RAB3C: variants seen among roughly 807,000 people sequenced by gnomAD.
The protein encoded by RAB3C is RAB3C, member RAS oncogene family.
Under a neutral mutation model 26.4 loss-of-function variants are expected in RAB3C, and 17 were observed. That is an observed-to-expected ratio of 0.64 (90% CI 0.44 to 0.97). The LOEUF (loss-of-function observed/expected upper bound fraction) is 0.97, where lower values mean the gene tolerates loss of function less well. Among genes scored for constraint, RAB3C ranks in the 50% least tolerant of loss-of-function variants. RAB3C has a pLI of 0.00. For missense variants in RAB3C, 242 were observed against 281.9 expected (o/e 0.86, Z 1.01); for synonymous variants, 91 against 95.9 (o/e 0.95, Z 0.30).
At chr5:58,594,064 G>A (rs2111663123) in intron 1 of RAB3C, among the ~76,000 whole-genome samples, 1 of 152,284 alleles carries the variant, frequency 6.6e-6, no homozygotes, top group South Asian at 2.1e-4. Context: ...AAGGTCATCA[G>A]CCTCTCATCA....
At chr5:58,813,590 A>ATT (rs11396797) in intron 3 of RAB3C, among the ~76,000 whole-genome samples, 4 of 34,282 alleles carry the variant, frequency 1.2e-4, no homozygotes, top group South Asian at 9.8e-4. Flanking sequence ...TTATATTTAT[A>ATT]TTTATATATA....
At chr5:58,693,137 A>G (rs1044279210) in intron 2 of RAB3C, among the ~76,000 whole-genome samples, 15 of 147,464 alleles carry the variant, frequency 1.0e-4, no homozygotes, top group African/African-American at 2.7e-4. Context: ...AAAAATATAT[A>G]TAAATTATAT....
intron 3 of RAB3C, among the ~76,000 whole-genome samples, chr5:58,784,377 C>T (rs575507425): frequency 3.2e-4 from 48 of 152,170 alleles, no homozygotes; most frequent in African/African-American, 8.9e-4. Context: ...CAGAACTCCC[C>T]TTTGTAAAAC....
At chr5:58,668,769 G>T in intron 2 of RAB3C, among the ~76,000 whole-genome samples, 1 of 151,910 alleles carries the variant, frequency 6.6e-6, no homozygotes, top group Non-Finnish European at 1.5e-5. Flanking sequence ...AGAGTTAGGG[G>T]CTCCTACGTC....
intron 2 of RAB3C, among the ~76,000 whole-genome samples, chr5:58,701,582 C>G (rs1294295597): frequency 6.6e-6 from 1 of 152,150 alleles, no homozygotes; most frequent in Non-Finnish European, 1.5e-5. Context: ...AATGTATTAT[C>G]TTACAGTTCT....
intron 1 of RAB3C, among the ~76,000 whole-genome samples, chr5:58,614,526 C>T (rs1341604063): frequency 1.3e-5 from 2 of 151,918 alleles, no homozygotes; most frequent in Non-Finnish European, 2.9e-5. Flanking sequence ...GAGTTAATAA[C>T]TTTTCCTAAT....
At chr5:58,613,623 G>A (rs1216011186) in intron 1 of RAB3C, among the ~76,000 whole-genome samples, 4 of 152,040 alleles carry the variant, frequency 2.6e-5, no homozygotes, top group African/African-American at 9.7e-5. Flanking sequence ...GGGAATAGAA[G>A]AAACCTATGT....
intron 1 of RAB3C, among the ~76,000 whole-genome samples, chr5:58,611,695 G>T (rs532852954): frequency 2.0e-5 from 3 of 152,098 alleles, no homozygotes; most frequent in Non-Finnish European, 2.9e-5. Context: ...TGTTCACTCT[G>T]TTGGTAGTTT....
chr5:58,775,842 G>A (rs916978708), intron 3 of RAB3C, among the ~76,000 whole-genome samples: 5 of 152,090 alleles, frequency 3.3e-5, no homozygotes, highest in Non-Finnish European at 7.4e-5. Flanking sequence ...TGTAAATGCT[G>A]TGGATATGCT....
intron 2 of RAB3C, among the ~76,000 whole-genome samples, chr5:58,668,496 C>T (rs1748045182): frequency 6.6e-6 from 1 of 152,096 alleles, no homozygotes; most frequent in Non-Finnish European, 1.5e-5. Flanking sequence ...ATTATTAAAG[C>T]CCAACCAATG....
Position 58,625,765 on chromosome 5 carries a change from G to A in RAB3C, c.252+7895G>A, listed in dbSNP as rs1271934659. 2.0e-5 allele frequency among the ~76,000 whole-genome samples: 3 copies of A among 151,640 alleles called. No individual in the cohort carries two copies. In the East Asian group the frequency reaches 5.8e-4, roughly 29 times the overall value. ...CCAGCTACTTAGGAGGCTGAGACAG[G>A]AGAATCGCTTGAACCTGGGAGGTGG... On this transcript the variant is annotated intron_variant, in intron 2 of 4. Coordinates refer to ENST00000282878, the MANE Select transcript of RAB3C (RefSeq NM_138453.4).
chr5:58,702,904 T>G (rs545539106), intron 2 of RAB3C, among the ~76,000 whole-genome samples: 1 of 152,270 alleles, frequency 6.6e-6, no homozygotes, highest in South Asian at 2.1e-4. Flanking sequence ...TGCTGTAAAA[T>G]TTTGGAACCT....
intron 2 of RAB3C, among the ~76,000 whole-genome samples, chr5:58,620,407 C>T (rs530272285): frequency 6.6e-5 from 10 of 152,182 alleles, no homozygotes; most frequent in African/African-American, 2.4e-4. Flanking sequence ...GATTGTGAAA[C>T]ATTTAAAAGA....
At position 58,596,739 on chromosome 5, in the gene RAB3C, AAT is replaced by A. The variant is rs1284321791; in HGVS notation, c.24+13513_24+13514del. Among the ~76,000 whole-genome samples the A allele has an allele frequency of 3.4e-5, 3 of 89,360 alleles. No homozygotes were observed. The East Asian group carries it at 8.5e-4, about 25-fold the overall frequency. 58.6% of individuals were successfully genotyped at this position (89,360 alleles called of 152,430 possible). A position where few individuals can be genotyped will look rare whatever the true frequency, so the allele number is the denominator to read the frequency against. ...TATAATATATAATACATAATATATA[AAT>A]ATATAATACATAATATATAAATATA... On this transcript the variant is annotated intron_variant, in intron 1 of 4. Transcript: ENST00000282878.
chr5:58,658,034 CA>C (rs1383418733), intron 2 of RAB3C, among the ~76,000 whole-genome samples: 1 of 152,096 alleles, frequency 6.6e-6, no homozygotes, highest in Non-Finnish European at 1.5e-5. Context: ...AAGAAGGGGA[CA>C]CTGTATATCA....
At chr5:58,766,416 G>C (rs908170893) in intron 3 of RAB3C, among the ~76,000 whole-genome samples, 1 of 152,078 alleles carries the variant, frequency 6.6e-6, no homozygotes, top group Non-Finnish European at 1.5e-5. Flanking sequence ...GCACCTAGCC[G>C]AGTAGTTCTT....
chr5:58,795,694 C>G (rs1742629661), intron 3 of RAB3C, among the ~76,000 whole-genome samples: 1 of 152,120 alleles, frequency 6.6e-6, no homozygotes, highest in African/African-American at 2.4e-5. Context: ...AACCCATAGG[C>G]CTTCCATTCC....
At chr5:58,781,147 A>T (rs1579915081) in intron 3 of RAB3C, among the ~76,000 whole-genome samples, 1 of 151,444 alleles carries the variant, frequency 6.6e-6, no homozygotes, top group East Asian at 1.9e-4. Context: ...TCAGTCAAAT[A>T]AAAAAAAAGT....
chr5:58,798,380 A>G (rs1172351411), intron 3 of RAB3C, among the ~76,000 whole-genome samples: 1 of 152,218 alleles, frequency 6.6e-6, no homozygotes, highest in Non-Finnish European at 1.5e-5. Flanking sequence ...TAACCTCAGC[A>G]GTAATGAGAC....
Sources: allele counts gnomAD v4.1 joint callset (sites outside exome capture counted in the v4.1 genomes callset), GRCh38; gene constraint gnomAD v4.1.1; transcripts MANE v1.5; gene names NCBI Gene and HGNC (gene_info 2026-07-23, HGNC 2026-07-21).